Variants in TBC1D12 observed in about 807,000 individuals in gnomAD.
TBC1D12 encodes the protein TBC1 domain family member 12, also known as TBC1 domain family, member 12.
A neutral mutation model predicts 86.7 loss-of-function variants in TBC1D12; 56 were observed. That is an observed-to-expected ratio of 0.65 (90% CI 0.52 to 0.81). The LOEUF (loss-of-function observed/expected upper bound fraction) is 0.81. TBC1D12 is among the 30% of genes least tolerant of loss of function. The probability of loss-of-function intolerance (pLI) is 0.00; values close to 1 mark genes in which losing one functional copy is unlikely to be tolerated. For missense variants in TBC1D12, 1,023 were observed against 1,038.8 expected, an observed-to-expected ratio of 0.98 and a Z score of 0.21; for synonymous variants, 421 against 411.7, an observed-to-expected ratio of 1.02 and a Z score of -0.27.
chr10:94,425,698 T>C (rs1469646869), intron 1 of TBC1D12, among the ~76,000 whole-genome samples: 1 of 152,204 alleles, frequency 6.6e-6, no homozygotes, highest in Non-Finnish European at 1.5e-5. Flanking sequence ...CCTTTGGCTT[T>C]CCATATTGAT....
intron 1 of TBC1D12, among the ~76,000 whole-genome samples, chr10:94,404,713 G>A (rs1185878290): frequency 6.6e-6 from 1 of 151,682 alleles, no homozygotes; most frequent in Non-Finnish European, 1.5e-5. Flanking sequence ...ATTTCAGGAT[G>A]GAGGTTTGTT....
chr10:94,497,515 C>CTTTT (rs34789814), intron 5 of TBC1D12, among the ~76,000 whole-genome samples: 62 of 98,104 alleles, frequency 6.3e-4, no homozygotes, highest in African/African-American at 2.1e-3. Context: ...TCTGCTAAAT[C>CTTTT]TTTTTTTTTT....
intron 2 of TBC1D12, among the ~76,000 whole-genome samples, chr10:94,456,718 T>C (rs1482864022): frequency 6.6e-6 from 1 of 152,250 alleles, no homozygotes; most frequent in Non-Finnish European, 1.5e-5. Flanking sequence ...AGCTATGTCC[T>C]TACTGATTTT....
intron 3 of TBC1D12, among the ~76,000 whole-genome samples, chr10:94,491,787 A>AGTTTCCTATCCATGAAATTGTG (rs1485012254): frequency 8.9e-5 from 13 of 146,594 alleles, no homozygotes; most frequent in Admixed American, 2.1e-4. Context: ...GCCTGTGTTC[A>AGTTTCCTATCCATGAAATTGTG]AAGAACCCTT....
At position 94,522,255 on chromosome 10, in the gene TBC1D12, AG is replaced by A. The variant is rs1322189353; in HGVS notation, c.1891-88del. The stretch of plus-strand genomic sequence containing the variant: ...TCAGAAAAAGATGAGATTCTTAATG[AG>A]CACGATTTCCTGTTAGTGTTTAAGC... On this transcript the variant is annotated intron_variant, in intron 10 of 12. Coordinates refer to ENST00000225235, the MANE Select transcript of TBC1D12 (RefSeq NM_015188.2). 6 of 1,081,868 alleles carry A rather than the reference AG, an allele frequency of 5.5e-6. No homozygotes were observed. The African/African-American group carries it at 9.6e-5, about 17-fold the overall frequency. 67.0% of individuals were successfully genotyped at this position (1,081,868 alleles called of 1,614,324 possible). A position where few individuals can be genotyped will look rare whatever the true frequency, so the allele number is the denominator to read the frequency against.
At chr10:94,475,603 T>G (rs2055977395) in intron 3 of TBC1D12, among the ~76,000 whole-genome samples, 1 of 152,054 alleles carries the variant, frequency 6.6e-6, no homozygotes, top group African/African-American at 2.4e-5. Flanking sequence ...GCTAATTTTT[T>G]GTGTGCATTT....
At chr10:94,531,699 GTTATGTTATT>G (rs879864823) in intron 12 of TBC1D12, among the ~76,000 whole-genome samples, 25,663 of 108,804 alleles carry the variant, frequency 0.24, 5,186 homozygotes, top group East Asian at 0.44. Context: ...GTTATTTTAT[GTTATGTTATT>G]TTATGTTATT....
At chr10:94,413,816 C>T (rs2054959948) in intron 1 of TBC1D12, among the ~76,000 whole-genome samples, 1 of 151,810 alleles carries the variant, frequency 6.6e-6, no homozygotes, top group African/African-American at 2.4e-5. Context: ...TCTCTAACCC[C>T]ACATAGATTA....
chr10:94,425,947 TA>T (rs1042846297), intron 1 of TBC1D12, among the ~76,000 whole-genome samples: 2 of 152,188 alleles, frequency 1.3e-5, no homozygotes, highest in Non-Finnish European at 2.9e-5. Flanking sequence ...TGATACTTCT[TA>T]AAAATTTCAC....
intron 9 of TBC1D12, among the ~76,000 whole-genome samples, chr10:94,514,505 A>C (rs1277668995): frequency 6.6e-6 from 1 of 152,202 alleles, no homozygotes; most frequent in Non-Finnish European, 1.5e-5. Flanking sequence ...CATTTAAGTG[A>C]GAACATGCAA....
chr10:94,403,333 C>G lies in TBC1D12; in HGVS notation c.720C>G (p.Ala240=), dbSNP rs1216840557. The G allele has an allele frequency of 1.3e-6, 2 of 1,520,908 alleles. No homozygotes were observed. The highest frequency in any genetic ancestry group is 1.8e-6 in the Non-Finnish European group (2 of 1,135,078). 94.2% of individuals were successfully genotyped at this position (1,520,908 alleles called of 1,614,324 possible). ...ACTCAGAGCAGCGGGGAGTCGGCGCCGGGGGTCCCGAGGAGGGCGCGCCCC... is the reference window on the plus strand; with the variant it reads ...ACTCAGAGCAGCGGGGAGTCGGCGCGGGGGGTCCCGAGGAGGGCGCGCCCC... ...SEDSEQRGVG[A]GGPEEGAPPA... The change falls in exon 1 of 13, where the codon GCC becomes GCG. Residue 240 remains alanine (A), a synonymous_variant. Transcript: ENST00000225235.
At chr10:94,494,795 C>T (rs565770531) in intron 4 of TBC1D12, among the ~76,000 whole-genome samples, 35 of 152,160 alleles carry the variant, frequency 2.3e-4, no homozygotes, top group East Asian at 7.8e-4. Context: ...CCACCCACCT[C>T]GGCCTCCCAA....
rs767899126 is a variant in TBC1D12 at position 94,531,354 on chromosome 10, A to G, written c.2153A>G (p.His718Arg). The change falls in exon 12 of 13, where the codon CAT becomes CGT. Residue 718 changes from histidine (H) to arginine (R), a missense_variant. His to Arg is a conservative substitution (Grantham distance 29). Transcript: ENST00000225235. ...ATTCTCCTGCAGATGGACTTTATTC[A>G]TATAGCACAGTTTCTAACTAAATTG... The part of the protein sequence containing the change: ...EDILLQMDFI[H>R]IAQFLTKLPE... 6.2e-7 allele frequency: 1 copy of G among 1,614,188 alleles called. No individual in the cohort carries two copies. Among genetic ancestry groups the G allele is most frequent in the Admixed American group, 1.7e-5 (1 of 60,036 alleles).
chr10:94,532,138 C>T (rs1842450535), intron 12 of TBC1D12, among the ~76,000 whole-genome samples: 1 of 150,562 alleles, frequency 6.6e-6, no homozygotes, highest in African/African-American at 2.4e-5. Flanking sequence ...TCTTGGCCTC[C>T]CAAAGTGTTG....
At chr10:94,448,893 T>G (rs2055509644) in intron 2 of TBC1D12, among the ~76,000 whole-genome samples, 1 of 152,228 alleles carries the variant, frequency 6.6e-6, no homozygotes, top group Non-Finnish European at 1.5e-5. Flanking sequence ...TGCGTGTGTG[T>G]TCTTTATTGA....
chr10:94,439,163 C>G (rs1183679475), intron 1 of TBC1D12, among the ~76,000 whole-genome samples: 1 of 152,130 alleles, frequency 6.6e-6, no homozygotes, highest in Non-Finnish European at 1.5e-5. Context: ...CTAGATCTTT[C>G]TATTCTGTCA....
At position 94,403,057 on chromosome 10, in the gene TBC1D12, T is replaced by G. The variant is rs754402697; in HGVS notation, c.444T>G (p.Asp148Glu). Residue 148 changes from aspartate (D) to glutamate (E), a missense_variant, in exon 1 of 13, where the codon GAT (aspartate) becomes GAG (glutamate). Asp to Glu is a conservative substitution (Grantham distance 45). This residue lies in a region of TBC1D12 where 628 missense variants were observed against 531.1 expected (regional missense o/e 1.18). Transcript: ENST00000225235. ...SGFLPGRDCRDLEEARGLARA... is the reference protein window; with the variant it reads ...SGFLPGRDCRELEEARGLARA... ...TTCTGCCGGGCCGGGACTGTCGCGA[T>G]CTGGAAGAGGCTCGCGGGCTGGCGC... The G allele has an allele frequency of 1.3e-6, 2 of 1,542,874 alleles. No homozygotes were observed. The highest frequency in any genetic ancestry group is 1.7e-6 in the Non-Finnish European group (2 of 1,149,914).
At chr10:94,477,763 C>A (rs2056013540) in intron 3 of TBC1D12, among the ~76,000 whole-genome samples, 1 of 152,186 alleles carries the variant, frequency 6.6e-6, no homozygotes, top group South Asian at 2.1e-4. Flanking sequence ...AATTATTCTA[C>A]AGCAGGGTTC....
At chr10:94,483,623 T>A (rs76768299) in intron 3 of TBC1D12, among the ~76,000 whole-genome samples, 4,501 of 152,352 alleles carry the variant, frequency 0.03, 102 homozygotes, top group South Asian at 0.044. Context: ...TTTATCCCTG[T>A]GGATATATAA....
Sources: gnomAD v4.1 joint callset for allele counts (sites outside exome capture counted in the v4.1 genomes callset) on GRCh38, gnomAD v4.1.1 for gene constraint, gnomAD v4.1.1 regional missense constraint, MANE v1.5 for transcripts, NCBI Gene and HGNC (gene_info 2026-07-23, HGNC 2026-07-21) for gene names.